The following C13orf42 variants were observed in gnomAD, a reference collection of about 807,000 sequenced individuals.
C13orf42 encodes chromosome 13 open reading frame 42, also known as uncharacterized protein C13orf42.
At chr13:51,085,763 A>G (rs1343492254) in intron 2 of C13orf42, among the ~76,000 whole-genome samples, 1 of 152,218 alleles carries the variant, frequency 6.6e-6, no homozygotes, top group Non-Finnish European at 1.5e-5. Context: ...AAAAATGGGG[A>G]CATAGGCCAG....
chr13:51,103,247 T>G (rs964153396), intron 1 of C13orf42, among the ~76,000 whole-genome samples: 1 of 152,150 alleles, frequency 6.6e-6, no homozygotes, highest in Non-Finnish European at 1.5e-5. Context: ...TTTCTCAAAG[T>G]GGCCTGTGGT....
At chr13:51,130,946 G>C (rs1953611958) in intron 1 of C13orf42, among the ~76,000 whole-genome samples, 1 of 151,782 alleles carries the variant, frequency 6.6e-6, no homozygotes, top group African/African-American at 2.4e-5. Flanking sequence ...TTTTGAGTTA[G>C]GATAAAGCCA....
intron 1 of C13orf42, among the ~76,000 whole-genome samples, chr13:51,160,494 A>AAAG (rs1953856302): frequency 6.6e-6 from 1 of 152,220 alleles, no homozygotes; most frequent in Admixed American, 6.5e-5. Flanking sequence ...GGGCAACAAG[A>AAAG]GCAAAACTCC....
At chr13:51,149,857 G>A (rs1300356253) in intron 1 of C13orf42, among the ~76,000 whole-genome samples, 1 of 152,160 alleles carries the variant, frequency 6.6e-6, no homozygotes, top group East Asian at 1.9e-4. Context: ...TTGAGATGGT[G>A]CCAGAAACAG....
At chr13:51,137,300 T>C (rs927863) in intron 1 of C13orf42, among the ~76,000 whole-genome samples, 89,349 of 152,038 alleles carry the variant, frequency 0.59, 26,693 homozygotes, top group African/African-American at 0.69. Flanking sequence ...GGAGTTGAAC[T>C]CTGCACAGCC....
intron 1 of C13orf42, among the ~76,000 whole-genome samples, chr13:51,104,855 C>T (rs577293469): frequency 1.1e-4 from 16 of 151,256 alleles, no homozygotes; most frequent in African/African-American, 3.9e-4. Context: ...AACCCAAGGG[C>T]TCGTCATAGC....
intron 1 of C13orf42, among the ~76,000 whole-genome samples, chr13:51,096,928 T>C (rs531816816): frequency 1.3e-5 from 2 of 152,336 alleles, no homozygotes; most frequent in South Asian, 4.1e-4. Flanking sequence ...ATTTCCTCTA[T>C]CTTTGCTTTA....
At chr13:51,088,610 A>G (rs1184687024) in intron 1 of C13orf42, among the ~76,000 whole-genome samples, 1 of 152,214 alleles carries the variant, frequency 6.6e-6, no homozygotes, top group Non-Finnish European at 1.5e-5. Flanking sequence ...GTTTTCCATG[A>G]TGTGATTATT....
At chr13:51,161,801 G>A in intron 1 of C13orf42, 1 of 329,202 alleles carries the variant, frequency 3.0e-6, no homozygotes, top group Middle Eastern at 1.2e-3. Context: ...CATAACCAGG[G>A]AATCGTTAGG....
intron 1 of C13orf42, among the ~76,000 whole-genome samples, chr13:51,160,969 A>C (rs1234340701): frequency 1.3e-5 from 2 of 150,502 alleles, no homozygotes; most frequent in South Asian, 4.2e-4. Flanking sequence ...ACAAGAAAAA[A>C]AAAAAAAACA....
chr13:51,163,688 G>C (rs1953883709), intron 1 of C13orf42, among the ~76,000 whole-genome samples: 2 of 152,190 alleles, frequency 1.3e-5, no homozygotes, highest in East Asian at 3.9e-4. Flanking sequence ...CATAGATAAG[G>C]AGTGAATCTC....
chr13:51,143,837 G>A (rs1593550538), intron 1 of C13orf42, among the ~76,000 whole-genome samples: 1 of 152,088 alleles, frequency 6.6e-6, no homozygotes, highest in East Asian at 1.9e-4. Flanking sequence ...AATTATACGG[G>A]AAGCATTGTC....
intron 1 of C13orf42, among the ~76,000 whole-genome samples, chr13:51,147,622 G>A (rs1228154392): frequency 3.3e-5 from 5 of 152,074 alleles, no homozygotes; most frequent in South Asian, 4.2e-4. Context: ...CCAGCTACTC[G>A]GGAGGCTGAG....
chr13:51,111,375 T>A (rs893912268), upstream of C13orf42, among the ~76,000 whole-genome samples: 4 of 152,136 alleles, frequency 2.6e-5, no homozygotes, highest in Admixed American at 2.0e-4. Flanking sequence ...GTGGGTAACC[T>A]GCACATCTCC....
chr13:51,129,379 G>A (rs1463107013), intron 1 of C13orf42, among the ~76,000 whole-genome samples: 1 of 152,174 alleles, frequency 6.6e-6, no homozygotes, highest in Non-Finnish European at 1.5e-5. Context: ...GCATGTACAG[G>A]ATCATGGGAC....
chr13:51,119,054 A>T (rs1252958733), intron 1 of C13orf42, among the ~76,000 whole-genome samples: 1 of 150,740 alleles, frequency 6.6e-6, no homozygotes, highest in Non-Finnish European at 1.5e-5. Flanking sequence ...GCTCAGGCAT[A>T]TGGCATGCCC....
At chr13:51,112,358 T>G (rs552373711), upstream of C13orf42, among the ~76,000 whole-genome samples, 39 of 152,274 alleles carry the variant, frequency 2.6e-4, no homozygotes, top group African/African-American at 7.7e-4. Flanking sequence ...TGTGTGTGTG[T>G]GGGGTGTGTG....
chr13:51,163,809 C>T (rs1461479706), intron 1 of C13orf42, among the ~76,000 whole-genome samples: 1 of 152,076 alleles, frequency 6.6e-6, no homozygotes, highest in Non-Finnish European at 1.5e-5. Flanking sequence ...GATGTGTCTG[C>T]CATACAAAGT....
intron 1 of C13orf42, among the ~76,000 whole-genome samples, chr13:51,088,749 T>G (rs571771639): frequency 2.0e-5 from 3 of 152,310 alleles, no homozygotes; most frequent in East Asian, 3.9e-4. Flanking sequence ...GAACCAAATT[T>G]ACACTCAAAT....
Sources: gnomAD v4.1 joint callset for allele counts (sites outside exome capture counted in the v4.1 genomes callset) on GRCh38, gnomAD v4.1.1 for gene constraint, MANE v1.5 for transcripts, NCBI Gene and HGNC (gene_info 2026-07-23, HGNC 2026-07-21) for gene names.